Variants in SLC4A4 observed in about 807,000 individuals in gnomAD.
SLC4A4 encodes the protein electrogenic sodium bicarbonate cotransporter 1.
Under a neutral mutation model 111.5 loss-of-function variants are expected in SLC4A4, and 27 were observed. The ratio of observed to expected loss-of-function variants is 0.24; its 90% CI spans 0.18 to 0.33. SLC4A4 has a LOEUF of 0.33. Among genes scored for constraint, SLC4A4 ranks in the 10% least tolerant of loss-of-function variants. SLC4A4 has a pLI of 1.00. For synonymous variants in SLC4A4, 443 were observed against 463.4 expected (o/e 0.96, Z 0.57); for missense variants, 909 against 1,315.5 (o/e 0.69, Z 4.78).
intron 7 of SLC4A4, among the ~76,000 whole-genome samples, chr4:71,418,588 T>C (rs1722032079): frequency 6.6e-6 from 1 of 152,230 alleles, no homozygotes; most frequent in East Asian, 1.9e-4. Flanking sequence ...TATGTAAATT[T>C]AGTCATTGGA....
At chr4:71,504,179 T>C (rs2149162823) in intron 16 of SLC4A4, among the ~76,000 whole-genome samples, 1 of 152,310 alleles carries the variant, frequency 6.6e-6, no homozygotes, top group East Asian at 1.9e-4. Flanking sequence ...TTGAGCTTCT[T>C]GGATCAGGAC....
chr4:71,245,359 C>G lies in SLC4A4; in HGVS notation c.73+8710C>G, dbSNP rs111231139. On this transcript the variant is annotated intron_variant, in intron 2 of 25. Coordinates refer to ENST00000264485, the MANE Select transcript of SLC4A4 (RefSeq NM_001098484.3). The stretch of plus-strand genomic sequence containing the variant: ...GATTCCTTTGGCTGCTGGATGGAGA[C>G]AGTGTCCCAAGAGGGCAAAGACAGA... Among the ~76,000 whole-genome samples the G allele has an allele frequency of 2.1e-3, 324 of 152,214 alleles. 4 individuals carry two copies. Among genetic ancestry groups the G allele is most frequent in the African/African-American group, 7.2e-3 (300 of 41,544 alleles).
In SLC4A4 at chr4:71,563,834, T is replaced by G; in HGVS notation, c.3141T>G (p.Ile1047Met). 1 of 1,611,750 alleles carries G rather than the reference T, an allele frequency of 6.2e-7. No individual in the cohort carries two copies. Among genetic ancestry groups the G allele is most frequent in the Middle Eastern group, 1.7e-4 (1 of 6,040 alleles). ...CAGAAAAAGTTCCAAGTATTAAAAT[T>G]CCAATGGACATCATGGAACAGCAAC... is the stretch of plus-strand genomic sequence containing the variant. ...PYSEKVPSIK[I>M]PMDIMEQQPF... Residue 1047 changes from isoleucine (I) to methionine (M), a missense_variant, in exon 24 of 26, where the codon ATT (isoleucine) becomes ATG (methionine). Ile to Met is a conservative substitution (Grantham distance 10, BLOSUM62 1). Coordinates refer to ENST00000264485, the MANE Select transcript of SLC4A4 (RefSeq NM_001098484.3).
intron 16 of SLC4A4, among the ~76,000 whole-genome samples, chr4:71,508,646 C>T (rs753491418): frequency 6.6e-6 from 1 of 152,098 alleles, no homozygotes; most frequent in Non-Finnish European, 1.5e-5. Flanking sequence ...AAGCCCAGGA[C>T]CAGATGGATT....
intron 2 of SLC4A4, among the ~76,000 whole-genome samples, chr4:71,142,652 T>A (rs1744033001): frequency 6.6e-6 from 1 of 152,090 alleles, no homozygotes; most frequent in Non-Finnish European, 1.5e-5. Context: ...GTCTTCGGCT[T>A]TTTGCAGCAT....
At position 71,447,145 on chromosome 4, in the gene SLC4A4, G is replaced by T. The variant is rs542117188; in HGVS notation, c.966-501G>T. On this transcript the variant is annotated intron_variant, in intron 8 of 25. Coordinates refer to ENST00000264485, the MANE Select transcript of SLC4A4 (RefSeq NM_001098484.3). ...CATGTGGCTTACTTGTAGAGGACTT[G>T]GTTTTTGCTGATTCCCAGTCACTTC... Among the ~76,000 whole-genome samples, 11 of 152,274 alleles carry T rather than the reference G, an allele frequency of 7.2e-5. No homozygotes were observed. In the South Asian group the frequency reaches 1.4e-3, roughly 20 times the overall value.
At chr4:71,417,620 T>G (rs1721939856) in intron 7 of SLC4A4, among the ~76,000 whole-genome samples, 1 of 152,208 alleles carries the variant, frequency 6.6e-6, no homozygotes, top group African/African-American at 2.4e-5. Context: ...GCTGTTGTCT[T>G]TATTTGGTCT....
At chr4:71,268,307 G>A (rs1034679802) in intron 3 of SLC4A4, among the ~76,000 whole-genome samples, 2 of 152,112 alleles carry the variant, frequency 1.3e-5, no homozygotes, top group Admixed American at 1.3e-4. Context: ...AACATTGGCT[G>A]TAAATCATAC....
chr4:71,085,945 T>A (rs1742155522), intron 1 of SLC4A4, among the ~76,000 whole-genome samples: 1 of 152,014 alleles, frequency 6.6e-6, no homozygotes, highest in Admixed American at 6.6e-5. Flanking sequence ...GTGAAGAAAG[T>A]CTTTGGTAGC....
upstream of SLC4A4, among the ~76,000 whole-genome samples, chr4:71,183,050 C>T (rs1375592517): frequency 6.6e-6 from 1 of 152,162 alleles, no homozygotes; most frequent in Non-Finnish European, 1.5e-5. Flanking sequence ...TTGCATATTT[C>T]TCTATCACAT....
intron 3 of SLC4A4, among the ~76,000 whole-genome samples, chr4:71,257,724 G>A (rs1336055570): frequency 1.3e-5 from 2 of 152,126 alleles, no homozygotes; most frequent in East Asian, 1.9e-4. Flanking sequence ...GACATACCAC[G>A]TCCCATAGAC....
At chr4:71,127,729 C>T (rs1743596779) in intron 2 of SLC4A4, among the ~76,000 whole-genome samples, 6 of 152,018 alleles carry the variant, frequency 3.9e-5, no homozygotes, top group Admixed American at 3.9e-4. Context: ...CATATATGTA[C>T]ACAATATATG....
intron 14 of SLC4A4, 82 bp downstream of exon 14, chr4:71,473,052 G>C: frequency 4.2e-6 from 6 of 1,434,848 alleles, no homozygotes; most frequent in Non-Finnish European, 5.9e-6. Flanking sequence ...TTTTCAACAT[G>C]CTGTCATGGT....
chr4:71,481,212 GT>G (rs1397766622), intron 14 of SLC4A4, among the ~76,000 whole-genome samples: 2 of 151,662 alleles, frequency 1.3e-5, no homozygotes, highest in Admixed American at 6.6e-5. Flanking sequence ...TTCAAGCCCA[GT>G]TTTTCTAGTA....
intron 6 of SLC4A4, 40 bp from the exon 7 acceptor site, chr4:71,397,537 A>C (rs558427717): frequency 1.9e-6 from 3 of 1,544,946 alleles, no homozygotes; most frequent in South Asian, 2.2e-5. Context: ...TGTGTTATTG[A>C]AAAGAAGTCT....
In SLC4A4 at chr4:71,414,016, T is replaced by A. The variant is rs1034370664; in HGVS notation, c.807+16363T>A. On this transcript the variant is annotated intron_variant, in intron 7 of 25. Coordinates refer to ENST00000264485, the MANE Select transcript of SLC4A4 (RefSeq NM_001098484.3). ...CAGAGCTGTGGCCATTCTTATCTGCTTTTTCAGTGCAAAGATGGTCTAATG... is the reference window on the plus strand; with the variant it reads ...CAGAGCTGTGGCCATTCTTATCTGCATTTTCAGTGCAAAGATGGTCTAATG... Among the ~76,000 whole-genome samples the A allele has an allele frequency of 6.6e-5, 10 of 152,298 alleles. No individual in the cohort carries two copies. In the East Asian group the frequency reaches 1.9e-3, roughly 29 times the overall value.
chr4:71,303,457 G>A (rs1725429727), intron 3 of SLC4A4, among the ~76,000 whole-genome samples: 1 of 152,152 alleles, frequency 6.6e-6, no homozygotes, highest in African/African-American at 2.4e-5. Context: ...ATCTTCTGTT[G>A]TCTTGCTAAT....
chr4:71,536,020 C>A (rs1484546533), intron 18 of SLC4A4, among the ~76,000 whole-genome samples: 1 of 152,076 alleles, frequency 6.6e-6, no homozygotes, highest in Non-Finnish European at 1.5e-5. Context: ...TCCCCCTATG[C>A]CCACTCCTGC....
At chr4:71,294,806 T>G (rs2148830525) in intron 3 of SLC4A4, among the ~76,000 whole-genome samples, 1 of 152,338 alleles carries the variant, frequency 6.6e-6, no homozygotes, top group Admixed American at 6.5e-5. Flanking sequence ...CTTCTGCTAG[T>G]GATATGTAAA....
Sources: gnomAD v4.1 joint callset for allele counts (sites outside exome capture counted in the v4.1 genomes callset) on GRCh38, gnomAD v4.1.1 for gene constraint, MANE v1.5 for transcripts, NCBI Gene and HGNC (gene_info 2026-07-23, HGNC 2026-07-21) for gene names.